SPRYD7: variants seen among roughly 807,000 people sequenced by gnomAD.
SPRYD7 encodes SPRY domain containing 7.
SPRYD7 carries 14 observed loss-of-function variants against 23.8 expected under a neutral mutation model. The observed-to-expected ratio is 0.59, with a 90% CI of 0.39 to 0.92. The LOEUF is 0.92. Ranked by LOEUF, SPRYD7 falls within the 40% of genes least tolerant of loss-of-function variation. The probability of loss-of-function intolerance (pLI) is 0.00; values close to 1 mark genes in which losing one functional copy is unlikely to be tolerated. For missense variants in SPRYD7, 194 were observed against 241.7 expected (o/e 0.80, Z 1.31); for synonymous variants, 75 against 84.9 (o/e 0.88, Z 0.64).
chr13:49,930,074 G>A (rs1346926546), intron 2 of SPRYD7, among the ~76,000 whole-genome samples: 1 of 152,150 alleles, frequency 6.6e-6, no homozygotes, highest in Non-Finnish European at 1.5e-5. Context: ...ACAGGTGTGA[G>A]CCACTATGCC....
At chr13:49,933,312 C>A (rs1871464607) in intron 1 of SPRYD7, among the ~76,000 whole-genome samples, 1 of 152,018 alleles carries the variant, frequency 6.6e-6, no homozygotes, top group African/African-American at 2.4e-5. Flanking sequence ...TGGGATATAA[C>A]ACTCTTGGCC....
At chr13:49,916,907 T>C (rs958112268) in intron 4 of SPRYD7, among the ~76,000 whole-genome samples, 7 of 152,084 alleles carry the variant, frequency 4.6e-5, no homozygotes, top group Admixed American at 6.6e-5. Context: ...GAAGGCAGGA[T>C]TGGACCTGAA....
At chr13:49,921,347 C>A in intron 4 of SPRYD7, 131 bp downstream of exon 4, 2 of 595,282 alleles carry the variant, frequency 3.4e-6, no homozygotes, top group South Asian at 2.1e-5. Flanking sequence ...AACTGTGAGT[C>A]AATTAAACCT....
intron 3 of SPRYD7, among the ~76,000 whole-genome samples, chr13:49,923,450 G>A (rs1030409397): frequency 4.6e-5 from 7 of 152,050 alleles, no homozygotes; most frequent in African/African-American, 1.7e-4. Flanking sequence ...CACCATGTTG[G>A]CCAGGCTGGT....
intron 3 of SPRYD7, among the ~76,000 whole-genome samples, chr13:49,924,703 G>A (rs1239809405): frequency 6.6e-6 from 1 of 151,902 alleles, no homozygotes; most frequent in South Asian, 2.1e-4. Context: ...TACGGGCGTG[G>A]TGGCTCACAC....
chr13:49,928,231 G>T, intron 2 of SPRYD7, 146 bp from the exon 3 acceptor site: 1 of 714,400 alleles, frequency 1.4e-6, no homozygotes, highest in Non-Finnish European at 2.1e-6. Flanking sequence ...TCTTCTTTTA[G>T]AAGTAGTTTG....
intron 4 of SPRYD7, 78 bp downstream of exon 4, chr13:49,921,400 C>T: frequency 1.1e-6 from 1 of 908,090 alleles, no homozygotes; most frequent in South Asian, 1.4e-5. Context: ...GTCTTTATAG[C>T]AGCATGAAAA....
chr13:49,926,437 A>C (rs1361807833), intron 3 of SPRYD7, among the ~76,000 whole-genome samples: 1 of 152,240 alleles, frequency 6.6e-6, no homozygotes, highest in Non-Finnish European at 1.5e-5. Flanking sequence ...CATTTGAATA[A>C]GGATGTTCCA....
intron 3 of SPRYD7, among the ~76,000 whole-genome samples, chr13:49,924,989 T>C (rs199614367): frequency 7.4e-6 from 1 of 134,804 alleles, no homozygotes; most frequent in African/African-American, 2.8e-5. Flanking sequence ...AAAAAAAAAA[T>C]AAATAAATAA....
In SPRYD7 at chr13:49,921,547, A is replaced by G; in HGVS notation, c.424T>C (p.Tyr142His). The change falls in exon 4 of 5, where the codon TAC (tyrosine) becomes CAC (histidine). Residue 142 changes from tyrosine (Y) to histidine (H), a missense_variant. Transcript: ENST00000361840. ...ITYDHVELNV[Y>H]LNGKNMHCPA... ...CAATGCATGTTTTTTCCATTCAAGT[A>G]TACATTTAATTCGACATGGTCATAA... 6.2e-7 allele frequency: 1 copy of G among 1,612,848 alleles called. No homozygotes were observed. The highest frequency in any genetic ancestry group is 8.5e-7 in the Non-Finnish European group (1 of 1,178,924).
rs1250574875 is a variant in SPRYD7 at position 49,913,225 on chromosome 13, GCCTGGACAAC to G, written c.*1828_*1837del. On this transcript the variant is annotated 3_prime_UTR_variant, in exon 5 of 5. Coordinates refer to ENST00000361840, the MANE Select transcript of SPRYD7 (RefSeq NM_020456.4). The stretch of plus-strand genomic sequence containing the variant: ...TCATGAGGTCAGGAGTTTGAGACCA[GCCTGGACAAC>G]ATGGTGAAACCCCATCTCTACTAAA... The G allele has an allele frequency of 2.6e-5, 4 of 152,090 alleles. No homozygotes were observed. Among genetic ancestry groups the G allele is most frequent in the Non-Finnish European group, 5.9e-5 (4 of 68,064 alleles). 9.4% of individuals were successfully genotyped at this position (152,090 alleles called of 1,614,324 possible). A position where few individuals can be genotyped will look rare whatever the true frequency, so the allele number is the denominator to read the frequency against.
intron 3 of SPRYD7, among the ~76,000 whole-genome samples, chr13:49,926,597 TAC>T (rs1348660535): frequency 6.6e-6 from 1 of 152,196 alleles, no homozygotes; most frequent in Non-Finnish European, 1.5e-5. Context: ...ATTAAAAACT[TAC>T]AGTTGTTCAT....
intron 4 of SPRYD7, among the ~76,000 whole-genome samples, chr13:49,916,646 T>C (rs554422907): frequency 1.3e-5 from 2 of 150,820 alleles, no homozygotes; most frequent in African/African-American, 2.4e-5. Context: ...ATGGCAGATA[T>C]AGGTTATTCT....
chr13:49,931,145 A>G lies in SPRYD7; in HGVS notation c.107-11T>C. Reference sequence around the variant, plus strand: ...TAACAACATCTGTTCCTAAACAAAAAATGCAGACACTATGTAAAGTTTTGT... The same window carrying G: ...TAACAACATCTGTTCCTAAACAAAAGATGCAGACACTATGTAAAGTTTTGT... On this transcript the variant is annotated splice_polypyrimidine_tract_variant and intron_variant, in intron 1 of 4. Transcript: ENST00000361840. 1.3e-6 allele frequency: 2 copies of G among 1,493,284 alleles called. No homozygotes were observed. The highest frequency in any genetic ancestry group is 1.9e-6 in the Non-Finnish European group (2 of 1,078,150). The allele number at this position is 1,493,284 out of a possible 1,614,324, so 92.5% of individuals were successfully genotyped here.
At chr13:49,930,867 C>A in intron 2 of SPRYD7, 151 bp downstream of exon 2, 1 of 500,812 alleles carries the variant, frequency 2.0e-6, no homozygotes, top group South Asian at 3.0e-5. Flanking sequence ...AACTAATTTA[C>A]CCAGGATCAC....
chr13:49,920,687 A>G (rs1955807946), intron 4 of SPRYD7, among the ~76,000 whole-genome samples: 1 of 152,180 alleles, frequency 6.6e-6, no homozygotes, highest in Non-Finnish European at 1.5e-5. Flanking sequence ...ATGGCTGGGC[A>G]CGGTGACTTA....
chr13:49,934,555 C>CAAAAAAAAA (rs889803067), intron 1 of SPRYD7, among the ~76,000 whole-genome samples: 19 of 54,226 alleles, frequency 3.5e-4, no homozygotes, highest in South Asian at 8.1e-4. Flanking sequence ...AACTCCGTCT[C>CAAAAAAAAA]AAAAAAAAAA....
chr13:49,913,221 A>G lies in SPRYD7; in HGVS notation c.*1842T>C, dbSNP rs1240236303. 2 of 152,122 alleles carry G rather than the reference A, an allele frequency of 1.3e-5. No homozygotes were observed. Among genetic ancestry groups the G allele is most frequent in the Non-Finnish European group, 2.9e-5 (2 of 68,074 alleles). 9.4% of individuals were successfully genotyped at this position (152,122 alleles called of 1,614,324 possible). ...TGGATCATGAGGTCAGGAGTTTGAG[A>G]CCAGCCTGGACAACATGGTGAAACC... is the stretch of plus-strand genomic sequence containing the variant. On this transcript the variant is annotated 3_prime_UTR_variant, in exon 5 of 5. Transcript: ENST00000361840.
intron 3 of SPRYD7, 73 bp from the exon 4 acceptor site, chr13:49,921,653 C>T (rs1955822754): frequency 1.1e-6 from 1 of 932,638 alleles, no homozygotes; most frequent in Non-Finnish European, 1.7e-6. Context: ...AGTATGGAAA[C>T]ACAAAAAGCT....
Sources: gnomAD v4.1 joint callset for allele counts (sites outside exome capture counted in the v4.1 genomes callset) on GRCh38, gnomAD v4.1.1 for gene constraint, MANE v1.5 for transcripts, NCBI Gene and HGNC (gene_info 2026-07-23, HGNC 2026-07-21) for gene names.